SNAP29: variants seen among roughly 807,000 people sequenced by gnomAD.
SNAP29 encodes synaptosomal-associated protein 29.
SNAP29 carries 13 observed loss-of-function variants against 27.9 expected under a neutral mutation model. That is an observed-to-expected ratio of 0.47 (90% CI 0.30 to 0.74). The LOEUF (loss-of-function observed/expected upper bound fraction) is 0.74. Ranked by LOEUF, SNAP29 falls within the 30% of genes least tolerant of loss-of-function variation. SNAP29 has a pLI of 0.06. For missense variants in SNAP29, 368 were observed against 336.5 expected (o/e 1.09, Z -0.73); for synonymous variants, 119 against 127.1 (o/e 0.94, Z 0.43).
rs990448924 is a variant in SNAP29, at chr22:20,859,036, C to G, written c.-75C>G. On this transcript the variant is annotated 5_prime_UTR_variant, in exon 1 of 5. Coordinates refer to ENST00000215730, the MANE Select transcript of SNAP29 (RefSeq NM_004782.4). ...GCGCGACGACCGCGGGGTCGGCGGGCGGGGCGAGGCCCTGGACGGCGGCGG... is the reference window on the plus strand; with the variant it reads ...GCGCGACGACCGCGGGGTCGGCGGGGGGGGCGAGGCCCTGGACGGCGGCGG... The G allele has an allele frequency of 7.2e-7, 1 of 1,393,908 alleles. No individual in the cohort carries two copies. The highest frequency in any genetic ancestry group is 2.5e-5 in the East Asian group (1 of 39,854). The allele number at this position is 1,393,908 out of a possible 1,614,324, so 86.3% of individuals were successfully genotyped here. A position where few individuals can be genotyped will look rare whatever the true frequency, so the allele number is the denominator to read the frequency against.
At chr22:20,879,294 G>A (rs185238020) in intron 2 of SNAP29, among the ~76,000 whole-genome samples, 248 of 130,424 alleles carry the variant, frequency 1.9e-3, no homozygotes, top group Middle Eastern at 0.01. Flanking sequence ...GCAACAGAGT[G>A]AGACTCCATC....
chr22:20,868,489 A>G (rs1311295643), intron 1 of SNAP29, among the ~76,000 whole-genome samples: 3 of 152,230 alleles, frequency 2.0e-5, no homozygotes, highest in African/African-American at 7.2e-5. Flanking sequence ...CAGGTTACAC[A>G]TTGATTCCTT....
In SNAP29 at chr22:20,868,674, T is replaced by G. The variant is rs117473385; in HGVS notation, c.238-1663T>G. ...GCCACAGGGTGATGGGTGGATAGATTCAGAGGAAGGCAGCTGAGGGCAGAG... is the reference window on the plus strand; with the variant it reads ...GCCACAGGGTGATGGGTGGATAGATGCAGAGGAAGGCAGCTGAGGGCAGAG... On this transcript the variant is annotated intron_variant, in intron 1 of 4. Coordinates refer to ENST00000215730, the MANE Select transcript of SNAP29 (RefSeq NM_004782.4). Among the ~76,000 whole-genome samples the G allele has an allele frequency of 5.1e-4, 77 of 152,280 alleles. No homozygotes were observed. In the East Asian group the frequency reaches 8.5e-3, roughly 17 times the overall value.
intron 1 of SNAP29, among the ~76,000 whole-genome samples, chr22:20,869,941 T>A (rs1186880946): frequency 1.3e-5 from 2 of 152,202 alleles, no homozygotes; most frequent in Non-Finnish European, 2.9e-5. Flanking sequence ...TGGCTACTTT[T>A]TGTATTTTTA....
At chr22:20,886,051 T>C (rs1346734619) in intron 4 of SNAP29, among the ~76,000 whole-genome samples, 1 of 151,718 alleles carries the variant, frequency 6.6e-6, no homozygotes, top group East Asian at 1.9e-4. Flanking sequence ...GGCTCTGCTC[T>C]CCATGGAGCA....
chr22:20,863,114 C>G (rs924925252), intron 1 of SNAP29, among the ~76,000 whole-genome samples: 3 of 152,162 alleles, frequency 2.0e-5, no homozygotes, highest in Non-Finnish European at 4.4e-5. Flanking sequence ...GTCTCGAATT[C>G]CTGAGCTCAG....
chr22:20,862,960 C>T (rs1167114951), intron 1 of SNAP29, among the ~76,000 whole-genome samples: 1 of 152,156 alleles, frequency 6.6e-6, no homozygotes, highest in African/African-American at 2.4e-5. Context: ...GCAATCTTGG[C>T]TCACTGCAGC....
chr22:20,886,150 C>G (rs1308767982), intron 4 of SNAP29, among the ~76,000 whole-genome samples: 1 of 144,220 alleles, frequency 6.9e-6, no homozygotes, highest in Non-Finnish European at 1.5e-5. Flanking sequence ...CTGTTTTTCT[C>G]TTTCTTTTCT....
At chr22:20,875,117 T>C (rs951479456) in intron 2 of SNAP29, among the ~76,000 whole-genome samples, 1 of 152,114 alleles carries the variant, frequency 6.6e-6, no homozygotes, top group Non-Finnish European at 1.5e-5. Flanking sequence ...TTTTGGAGCA[T>C]CATGAAAACT....
intron 4 of SNAP29, among the ~76,000 whole-genome samples, chr22:20,887,394 G>C (rs1188167448): frequency 6.6e-6 from 1 of 151,932 alleles, no homozygotes; most frequent in African/African-American, 2.4e-5. Flanking sequence ...CCTGGCTGCT[G>C]TTCCTAGTAA....
At chr22:20,881,312 TG>T (rs756935714) in intron 3 of SNAP29, among the ~76,000 whole-genome samples, 178 bp downstream of exon 3, 2 of 152,168 alleles carry the variant, frequency 1.3e-5, no homozygotes, top group Non-Finnish European at 2.9e-5. Context: ...CTTGCGGAGC[TG>T]GGGGTGTGCA....
rs749947624 is a variant in SNAP29, at chr22:20,887,676, C to T, written c.620-3C>T. 5 of 1,614,168 alleles carry T rather than the reference C, an allele frequency of 3.1e-6. No individual in the cohort carries two copies. In the South Asian group the frequency reaches 5.5e-5, roughly 18 times the overall value. On this transcript the variant is annotated splice_polypyrimidine_tract_variant and splice_region_variant and intron_variant, in intron 4 of 4. Coordinates refer to ENST00000215730, the MANE Select transcript of SNAP29 (RefSeq NM_004782.4). ...GCCTGCGTGTCATTTCCTCCTCCTG[C>T]AGATGAGCTGTCCATGGGACTGGGT...
At chr22:20,886,235 A>G (rs983150420) in intron 4 of SNAP29, among the ~76,000 whole-genome samples, 3 of 151,386 alleles carry the variant, frequency 2.0e-5, no homozygotes, top group Non-Finnish European at 2.9e-5. Flanking sequence ...TGATCCTCCC[A>G]CCTCAGCCTC....
chr22:20,884,093 G>A (rs1055699224), intron 4 of SNAP29, among the ~76,000 whole-genome samples: 1 of 152,142 alleles, frequency 6.6e-6, no homozygotes, highest in Non-Finnish European at 1.5e-5. Flanking sequence ...AGCACTTTGG[G>A]AGGCCAAGGC....
intron 1 of SNAP29, among the ~76,000 whole-genome samples, chr22:20,866,748 A>G (rs1044533512): frequency 3.3e-5 from 5 of 151,394 alleles, no homozygotes; most frequent in East Asian, 1.9e-4. Flanking sequence ...CCCCACCCCA[A>G]CTCTTCGTTG....
chr22:20,886,150 C>CTTTCT (rs1244802534), intron 4 of SNAP29, among the ~76,000 whole-genome samples: 1 of 144,220 alleles, frequency 6.9e-6, no homozygotes, highest in Non-Finnish European at 1.5e-5. Context: ...CTGTTTTTCT[C>CTTTCT]TTTCTTTTCT....
At chr22:20,869,826 A>G (rs1044864395) in intron 1 of SNAP29, among the ~76,000 whole-genome samples, 4 of 151,330 alleles carry the variant, frequency 2.6e-5, no homozygotes, top group African/African-American at 9.7e-5. Context: ...GCTGGAGTAC[A>G]TTGGCACCAT....
chr22:20,874,087 A>T (rs1928663563), intron 2 of SNAP29, among the ~76,000 whole-genome samples: 1 of 151,240 alleles, frequency 6.6e-6, no homozygotes, highest in Non-Finnish European at 1.5e-5. Context: ...CATCCTGGCT[A>T]ACACGGTGAA....
intron 2 of SNAP29, among the ~76,000 whole-genome samples, chr22:20,874,497 C>T (rs1928691947): frequency 1.3e-5 from 2 of 151,130 alleles, no homozygotes; most frequent in African/African-American, 4.9e-5. Flanking sequence ...TCACCTGAAC[C>T]CAGGGAGGTT....
Sources: gnomAD v4.1 joint callset for allele counts (sites outside exome capture counted in the v4.1 genomes callset) on GRCh38, gnomAD v4.1.1 for gene constraint, MANE v1.5 for transcripts, NCBI Gene and HGNC (gene_info 2026-07-23, HGNC 2026-07-21) for gene names.